Variants in USP44 observed in about 807,000 individuals in gnomAD.
USP44 encodes ubiquitin carboxyl-terminal hydrolase 44.
USP44 carries 61 observed loss-of-function variants against 69.0 expected under a neutral mutation model. The observed-to-expected ratio is 0.88, with a 90% CI of 0.72 to 1.09. The LOEUF (loss-of-function observed/expected upper bound fraction) is 1.09, where lower values mean the gene tolerates loss of function less well. Among genes scored for constraint, USP44 ranks in the 50% least tolerant of loss-of-function variants. The pLI is 0.00. For synonymous variants in USP44, 297 were observed against 295.4 expected, an observed-to-expected ratio of 1.01 and a Z score of -0.06; for missense variants, 753 against 849.9, an observed-to-expected ratio of 0.89 and a Z score of 1.42.
At chr12:95,530,697 A>G (rs980121326) in intron 2 of USP44, among the ~76,000 whole-genome samples, 22 of 152,210 alleles carry the variant, frequency 1.4e-4, no homozygotes, top group Non-Finnish European at 2.5e-4. Flanking sequence ...ATAGATATAA[A>G]AGAAAAACAC....
intron 3 of USP44, 54 bp from the exon 4 acceptor site, chr12:95,524,842 A>G: frequency 6.8e-7 from 1 of 1,463,050 alleles, no homozygotes; most frequent in Non-Finnish European, 9.4e-7. Flanking sequence ...ATTCAGGGAA[A>G]AGCTGAGTGA....
In USP44 at chr12:95,533,447, A is replaced by G. The variant is rs775640531; in HGVS notation, c.810T>C (p.Pro270=). The G allele has an allele frequency of 1.2e-6, 2 of 1,614,204 alleles. No homozygotes were observed. The highest frequency in any genetic ancestry group is 1.7e-6 in the Non-Finnish European group (2 of 1,180,020). The change falls in exon 2 of 6, where the codon CCT becomes CCC. Residue 270 remains proline, a synonymous_variant. Coordinates refer to ENST00000258499, the MANE Select transcript of USP44 (RefSeq NM_032147.5). The part of the protein sequence containing the change: ...SSVKRRPIVT[P]GVTGLRNLGN... Reference sequence around the variant, plus strand: ...CCAAATTTCTCAATCCTGTTACACCAGGAGTTACTATTGGCCTTCGTTTAA... The same window carrying G: ...CCAAATTTCTCAATCCTGTTACACCGGGAGTTACTATTGGCCTTCGTTTAA...
chr12:95,532,040 T>A (rs1246793248), intron 2 of USP44, among the ~76,000 whole-genome samples: 5 of 152,290 alleles, frequency 3.3e-5, no homozygotes, highest in Admixed American at 2.0e-4. Flanking sequence ...TTGTTTACCT[T>A]AAAATTTCCC....
chr12:95,532,989 T>C lies in USP44; in HGVS notation c.1268A>G (p.Asp423Gly). The C allele has an allele frequency of 1.9e-6, 3 of 1,614,200 alleles. No individual in the cohort carries two copies. The highest frequency in any genetic ancestry group is 2.5e-6 in the Non-Finnish European group (3 of 1,180,036). Reference protein sequence around the residue: ...IPAFRGYAQQDAQEFLCELLD... With the variant: ...IPAFRGYAQQGAQEFLCELLD... ...AAGTTCACAAAGAAATTCCTGAGCG[T>C]CTTGTTGGGCGTAACCACGAAAGGC... is the stretch of plus-strand genomic sequence containing the variant. The change falls in exon 2 of 6, where the codon GAC becomes GGC. Residue 423 changes from aspartate to glycine, a missense_variant. Asp to Gly is a moderately conservative substitution (Grantham distance 94, BLOSUM62 -1). Transcript: ENST00000258499.
intron 5 of USP44, among the ~76,000 whole-genome samples, chr12:95,520,214 T>C (rs981416471): frequency 1.3e-5 from 2 of 151,442 alleles, no homozygotes; most frequent in Admixed American, 1.3e-4. Flanking sequence ...GAAGTAAGGC[T>C]GGGTGTGGTG....
rs537113508 is a variant in USP44, at chr12:95,522,504, G to C, written c.1734-1302C>G. ...AGTGATGAGAGTGTCTTGGTTGGCC[G>C]TGGTGGCTCACGCCTGTAATCCCAG... On this transcript the variant is annotated intron_variant, in intron 4 of 5. Coordinates refer to ENST00000258499, the MANE Select transcript of USP44 (RefSeq NM_032147.5). Among the ~76,000 whole-genome samples the C allele has an allele frequency of 7.9e-5, 12 of 152,192 alleles. No individual in the cohort carries two copies. The South Asian group carries it at 2.5e-3, about 32-fold the overall frequency.
chr12:95,544,582 AT>A (rs1245159617), intron 1 of USP44, among the ~76,000 whole-genome samples: 10 of 152,332 alleles, frequency 6.6e-5, no homozygotes, highest in African/African-American at 9.6e-5. Context: ...CTTTAAAAAA[AT>A]ATTTTAATGA....
intron 1 of USP44, among the ~76,000 whole-genome samples, chr12:95,536,405 G>A (rs1337614810): frequency 6.6e-6 from 1 of 152,000 alleles, no homozygotes; most frequent in East Asian, 1.9e-4. Context: ...ATTTCCAGAG[G>A]TTTAAAATCT....
chr12:95,544,526 T>C (rs1368633767), intron 1 of USP44, among the ~76,000 whole-genome samples: 3 of 152,150 alleles, frequency 2.0e-5, no homozygotes, highest in African/African-American at 7.2e-5. Flanking sequence ...AATAATGTAA[T>C]ATAGATCTAA....
In USP44 at chr12:95,526,056, C is replaced by T. The variant is rs1255300778; in HGVS notation, c.1625-1268G>A. Among the ~76,000 whole-genome samples the T allele has an allele frequency of 2.0e-5, 3 of 152,322 alleles. No individual in the cohort carries two copies. In the South Asian group the frequency reaches 6.2e-4, roughly 32 times the overall value. ...AGCCAGATAGGGGATATCAACTCCT[C>T]GGCATATAATTGTAAACATTTGCAC... On this transcript the variant is annotated intron_variant, in intron 3 of 5. Transcript: ENST00000258499.
At chr12:95,542,773 A>G (rs2077431647) in intron 1 of USP44, among the ~76,000 whole-genome samples, 2 of 150,066 alleles carry the variant, frequency 1.3e-5, no homozygotes, top group Admixed American at 6.6e-5. Context: ...AAAACACAAA[A>G]AAAAACAACC....
chr12:95,533,207 TG>T lies in USP44; in HGVS notation c.1049del (p.Ser350Ter). ...KDTGFVCSRQSSLSSGLSGGA... is the reference protein window; with the variant it reads ...KDTGFVCSRQXSLSSGLSGGA... ...CACCACTTAGTCCTGATGACAGACT[TG>T]ATTGTCTGGAGCAAACAAAACCTGT... On this transcript the variant is annotated frameshift_variant, in exon 2 of 6. Transcript: ENST00000258499. LOFTEE classifies it high-confidence loss of function. 1 of 1,614,162 alleles carries T rather than the reference TG, an allele frequency of 6.2e-7. No homozygotes were observed. Among genetic ancestry groups the T allele is most frequent in the African/African-American group, 1.3e-5 (1 of 75,058 alleles).
At position 95,518,130 on chromosome 12, in the gene USP44, G is replaced by A. The variant is rs530851632; in HGVS notation, c.*24C>T. On this transcript the variant is annotated 3_prime_UTR_variant, in exon 6 of 6. Transcript: ENST00000258499. ...TAAAAAGTATATATATAAATCACAGGAAGAAAACCCCATTGTCTTTGGATC... is the reference window on the plus strand; with the variant it reads ...TAAAAAGTATATATATAAATCACAGAAAGAAAACCCCATTGTCTTTGGATC... The A allele has an allele frequency of 1.2e-5, 20 of 1,611,796 alleles. No homozygotes were observed. The South Asian group carries it at 1.9e-4, about 15-fold the overall frequency.
rs1445453811 is a variant in USP44 at position 95,534,227 on chromosome 12, A to G, written c.30T>C (p.Val10=). 1 of 1,613,676 alleles carries G rather than the reference A, an allele frequency of 6.2e-7. No homozygotes were observed. The highest frequency in any genetic ancestry group is 8.5e-7 in the Non-Finnish European group (1 of 1,179,710). Residue 10 remains valine, a synonymous_variant, in exon 2 of 6, where the codon GTT becomes GTC. Transcript: ENST00000258499. The part of the protein sequence containing the change: MLAMDTCKH[V]GQLQLAQDHS... Reference sequence around the variant, plus strand: ...GGTCTTGAGCAAGCTGCAGCTGCCCAACATGTTTGCACGTATCCATTGCTA... The same window carrying G: ...GGTCTTGAGCAAGCTGCAGCTGCCCGACATGTTTGCACGTATCCATTGCTA...
chr12:95,541,040 G>C (rs947599414), intron 1 of USP44, among the ~76,000 whole-genome samples: 2 of 152,198 alleles, frequency 1.3e-5, no homozygotes, highest in Non-Finnish European at 2.9e-5. Flanking sequence ...AACACTTTGG[G>C]AGGCCAAGGC....
chr12:95,519,790 G>C (rs776277216), intron 5 of USP44, among the ~76,000 whole-genome samples: 1 of 149,904 alleles, frequency 6.7e-6, no homozygotes, highest in South Asian at 2.1e-4. Flanking sequence ...CTGTAAACCC[G>C]GCACTTTGGG....
intron 1 of USP44, among the ~76,000 whole-genome samples, chr12:95,540,685 T>A (rs893003177): frequency 6.6e-6 from 1 of 152,128 alleles, no homozygotes; most frequent in Non-Finnish European, 1.5e-5. Context: ...AGGGTTATTG[T>A]TCACTAAGTC....
intron 1 of USP44, chr12:95,535,430 T>C (rs2077168253): frequency 1.3e-5 from 2 of 152,198 alleles, no homozygotes; most frequent in Non-Finnish European, 2.9e-5. Flanking sequence ...CAGTTGGCTT[T>C]AGGGAAAGAG....
At chr12:95,526,128 T>C (rs1337197468) in intron 3 of USP44, among the ~76,000 whole-genome samples, 1 of 152,232 alleles carries the variant, frequency 6.6e-6, no homozygotes, top group Admixed American at 6.5e-5. Flanking sequence ...GTAGCTTTAG[T>C]AAACACATAG....
Sources: allele counts gnomAD v4.1 joint callset (sites outside exome capture counted in the v4.1 genomes callset), GRCh38; gene constraint gnomAD v4.1.1; transcripts MANE v1.5; gene names NCBI Gene and HGNC (gene_info 2026-07-23, HGNC 2026-07-21).